The following TRIP11 variants were observed in gnomAD, a reference collection of about 807,000 sequenced individuals.
TRIP11 encodes the protein thyroid receptor-interacting protein 11.
Under a neutral mutation model 223.1 loss-of-function variants are expected in TRIP11, and 148 were observed. That is an observed-to-expected ratio of 0.66 (90% confidence interval 0.58 to 0.76). The LOEUF is 0.76. Among genes scored for constraint, TRIP11 ranks in the 30% least tolerant of loss-of-function variants. The pLI, the probability that TRIP11 is intolerant of heterozygous loss-of-function variation, is 0.00. For synonymous variants in TRIP11, 762 were observed against 772.6 expected (o/e 0.99, Z 0.23); for missense variants, 2,043 against 2,222.0 (o/e 0.92, Z 1.62).
chr14:91,997,622 A>G (rs1271463503), intron 13 of TRIP11, among the ~76,000 whole-genome samples: 1 of 151,958 alleles, frequency 6.6e-6, no homozygotes, highest in Non-Finnish European at 1.5e-5. Flanking sequence ...GATCAGGTTC[A>G]CCCTTCAGGC....
chr14:91,979,980 T>TA lies in TRIP11; in HGVS notation c.5261-3792dup, dbSNP rs774566161. Among the ~76,000 whole-genome samples the TA allele has an allele frequency of 4.7e-3, 662 of 140,476 alleles. 5 individuals carry two copies. Among genetic ancestry groups the TA allele is most frequent in the African/African-American group, 0.014 (551 of 38,066 alleles). The allele number at this position is 140,476 out of a possible 152,430, so 92.2% of individuals were successfully genotyped here. On this transcript the variant is annotated intron_variant, in intron 16 of 20. Transcript: ENST00000267622. Reference sequence around the variant, plus strand: ...CATGCCAAAATAATTTTTTGGAAGTTAAAAAAAAAAAAAGGTGGAGGGGGG... The same window carrying TA: ...CATGCCAAAATAATTTTTTGGAAGTTAAAAAAAAAAAAAAGGTGGAGGGGGG...
chr14:91,970,616 C>T (rs1486694361), intron 20 of TRIP11, among the ~76,000 whole-genome samples: 2 of 151,984 alleles, frequency 1.3e-5, no homozygotes, highest in African/African-American at 2.4e-5. Flanking sequence ...TCATATGCTG[C>T]GGGGTTCTGG....
intron 2 of TRIP11, 46 bp from the exon 3 acceptor site, chr14:92,025,466 T>G: frequency 7.3e-7 from 1 of 1,364,952 alleles, no homozygotes; most frequent in Non-Finnish European, 1.0e-6. Flanking sequence ...AAGTAAAACA[T>G]GTAATTAGTT....
intron 9 of TRIP11, 33 bp from the exon 10 acceptor site, chr14:92,007,885 C>T: frequency 3.9e-6 from 6 of 1,538,046 alleles, no homozygotes; most frequent in Non-Finnish European, 5.3e-6. Context: ...GCAACACATA[C>T]TTTCAATTGG....
At chr14:92,006,793 C>T (rs992992640) in intron 10 of TRIP11, among the ~76,000 whole-genome samples, 3 of 152,036 alleles carry the variant, frequency 2.0e-5, no homozygotes, top group South Asian at 2.1e-4. Flanking sequence ...CTCAACCTCC[C>T]GAGTAGCTGG....
Position 92,021,594 on chromosome 14 carries a change from G to A in TRIP11, c.550C>T (p.Leu184Phe), listed in dbSNP as rs368864331. 2.3e-5 allele frequency: 37 copies of A among 1,614,022 alleles called. No homozygotes were observed. The highest frequency in any genetic ancestry group is 3.0e-5 in the Non-Finnish European group (35 of 1,180,036). ...CTCCAATGGCCAACTTCAGACTCAAGTCTTGAAACTTCATTTGAGAGTCGG... is the reference window on the plus strand; with the variant it reads ...CTCCAATGGCCAACTTCAGACTCAAATCTTGAAACTTCATTTGAGAGTCGG... Reference protein sequence around the residue: ...INRLSNEVSRLESEVGHWRHI... With the variant: ...INRLSNEVSRFESEVGHWRHI... The change falls in exon 4 of 21, where the codon CTT becomes TTT. Residue 184 changes from leucine to phenylalanine, a missense_variant. Physicochemically the swap from Leu to Phe is conservative, Grantham distance 22. Coordinates refer to ENST00000267622, the MANE Select transcript of TRIP11 (RefSeq NM_004239.4).
chr14:92,022,772 T>G (rs2057130409), intron 3 of TRIP11, among the ~76,000 whole-genome samples: 1 of 152,174 alleles, frequency 6.6e-6, no homozygotes, highest in African/African-American at 2.4e-5. Context: ...TGCATAAAGT[T>G]AAGCAAGTAG....
intron 15 of TRIP11, among the ~76,000 whole-genome samples, chr14:91,989,496 T>A (rs1027091839): frequency 5.3e-5 from 8 of 150,820 alleles, no homozygotes; most frequent in African/African-American, 2.0e-4. Flanking sequence ...GTCAATATTG[T>A]ATCGATTTAT....
intron 13 of TRIP11, among the ~76,000 whole-genome samples, 195 bp from the exon 14 acceptor site, chr14:91,995,710 G>T (rs1180489529): frequency 1.3e-5 from 2 of 151,602 alleles, no homozygotes; most frequent in Admixed American, 6.6e-5. Flanking sequence ...CCACCTCCTA[G>T]GTTCCAGCGA....
chr14:92,004,682 T>C lies in TRIP11; in HGVS notation c.3294A>G (p.Arg1098=). ...QQQLQAYAME[R]EKVFAVLNEK... Reference sequence around the variant, plus strand: ...CATTCAAAACAGCAAATACCTTTTCTCTTTCCATAGCATAAGCCTGCAGTT... The same window carrying C: ...CATTCAAAACAGCAAATACCTTTTCCCTTTCCATAGCATAAGCCTGCAGTT... The change falls in exon 11 of 21, where the codon AGA becomes AGG. Residue 1098 remains arginine (R), a synonymous_variant. Transcript: ENST00000267622. 2 of 1,614,162 alleles carry C rather than the reference T, an allele frequency of 1.2e-6. No individual in the cohort carries two copies. Among genetic ancestry groups the C allele is most frequent in the Non-Finnish European group, 1.7e-6 (2 of 1,180,030 alleles).
Position 92,004,341 on chromosome 14 carries a change from T to C in TRIP11, c.3635A>G (p.Asp1212Gly). The C allele has an allele frequency of 6.2e-7, 1 of 1,614,156 alleles. No individual in the cohort carries two copies. Among genetic ancestry groups the C allele is most frequent in the Non-Finnish European group, 8.5e-7 (1 of 1,180,028 alleles). ...NQFEELLQER[D>G]KLKQQVKKME... is the part of the protein sequence containing the mutation. ...TTTCTTTACTTGCTGTTTTAACTTGTCACGTTCCTGTAGAAGCTCCTCAAA... is the reference window on the plus strand; with the variant it reads ...TTTCTTTACTTGCTGTTTTAACTTGCCACGTTCCTGTAGAAGCTCCTCAAA... Residue 1212 changes from aspartate to glycine, a missense_variant, in exon 11 of 21, where the codon GAC becomes GGC. Coordinates refer to ENST00000267622, the MANE Select transcript of TRIP11 (RefSeq NM_004239.4).
At chr14:92,035,652 G>A (rs915177318) in intron 1 of TRIP11, among the ~76,000 whole-genome samples, 6 of 149,518 alleles carry the variant, frequency 4.0e-5, no homozygotes, top group Non-Finnish European at 8.9e-5. Flanking sequence ...ATCTCAGCTC[G>A]CTGCAACCTC....
At chr14:92,011,094 G>A in intron 8 of TRIP11, 22 bp from the exon 9 acceptor site, 2 of 1,607,296 alleles carry the variant, frequency 1.2e-6, no homozygotes, top group Non-Finnish European at 1.7e-6. Context: ...TTAAAGCAGT[G>A]TTTTCAGGTA....
rs1318277075 is a variant in TRIP11 at position 92,005,472 on chromosome 14, G to A, written c.2504C>T (p.Ser835Phe). The change falls in exon 11 of 21, where the codon TCT (serine) becomes TTT (phenylalanine). Residue 835 changes from serine (S) to phenylalanine (F), a missense_variant. Physicochemically the swap from Ser to Phe is radical, Grantham distance 155 (BLOSUM62 -2). Coordinates refer to ENST00000267622, the MANE Select transcript of TRIP11 (RefSeq NM_004239.4). Reference protein sequence around the residue: ...SKLQEELDKYSQALRKNEILR... With the variant: ...SKLQEELDKYFQALRKNEILR... ...AATTTCATTTTTTCTTAAGGCCTGA[G>A]AATATTTATCCAATTCCTCCTGCAG... 2 of 1,614,006 alleles carry A rather than the reference G, an allele frequency of 1.2e-6. No individual in the cohort carries two copies. Among genetic ancestry groups the A allele is most frequent in the Non-Finnish European group, 8.5e-7 (1 of 1,180,012 alleles).
At chr14:92,020,027 G>A (rs903193666) in intron 4 of TRIP11, among the ~76,000 whole-genome samples, 1 of 151,928 alleles carries the variant, frequency 6.6e-6, no homozygotes, top group Non-Finnish European at 1.5e-5. Flanking sequence ...CACTTTGGGC[G>A]GCCTGAGGTC....
chr14:92,033,419 A>G (rs140243759), intron 1 of TRIP11, among the ~76,000 whole-genome samples, 166 bp from the exon 2 acceptor site: 1 of 152,360 alleles, frequency 6.6e-6, no homozygotes, highest in African/African-American at 2.4e-5. Context: ...CTTTTCACTG[A>G]CACTAATGTT....
chr14:91,968,658 C>T lies in TRIP11; in HGVS notation c.*1015G>A, dbSNP rs916309581. On this transcript the variant is annotated 3_prime_UTR_variant, in exon 21 of 21. Transcript: ENST00000267622. ...TAGCTGTTAAAACTAAGTGATATAT[C>T]TGCACTATATGCTCAACAATAAAAA... The T allele has an allele frequency of 2.7e-5, 6 of 225,882 alleles. No individual in the cohort carries two copies. Among genetic ancestry groups the T allele is most frequent in the African/African-American group, 2.2e-5 (1 of 44,824 alleles). 14.0% of individuals were successfully genotyped at this position (225,882 alleles called of 1,614,324 possible).
chr14:92,004,670 A>G lies in TRIP11; in HGVS notation c.3306T>C (p.Phe1102=), dbSNP rs34151071. 4,192 of 1,614,124 alleles carry G rather than the reference A, an allele frequency of 2.6e-3. 72 individuals carry two copies. In the African/African-American group the frequency reaches 0.048, roughly 19 times the overall value. The change falls in exon 11 of 21, where the codon TTT becomes TTC. Residue 1102 remains phenylalanine, a synonymous_variant. Transcript: ENST00000267622. ...CCCTAGTCTTCTCATTCAAAACAGCAAATACCTTTTCTCTTTCCATAGCAT... is the reference window on the plus strand; with the variant it reads ...CCCTAGTCTTCTCATTCAAAACAGCGAATACCTTTTCTCTTTCCATAGCAT... ...QAYAMEREKV[F]AVLNEKTREN...
At chr14:91,987,936 A>C (rs1379423303) in intron 16 of TRIP11, among the ~76,000 whole-genome samples, 2 of 152,216 alleles carry the variant, frequency 1.3e-5, no homozygotes, top group Non-Finnish European at 2.9e-5. Context: ...TCTCTAACAG[A>C]TCAGATGGCC....
Sources: gnomAD v4.1 joint callset for allele counts (sites outside exome capture counted in the v4.1 genomes callset) on GRCh38, gnomAD v4.1.1 for gene constraint, MANE v1.5 for transcripts, NCBI Gene and HGNC (gene_info 2026-07-23, HGNC 2026-07-21) for gene names.